Variants in ANKRD36 observed in about 807,000 individuals in gnomAD.
The protein encoded by ANKRD36 is ankyrin repeat domain 36, also known as ankyrin repeat domain-containing protein 36A.
Under a neutral mutation model 278.1 loss-of-function variants are expected in ANKRD36, and 179 were observed. The observed-to-expected ratio is 0.64, with a 90% confidence interval of 0.57 to 0.73. The LOEUF is 0.73. ANKRD36 is among the 30% of genes least tolerant of loss of function. The pLI, the probability that ANKRD36 is intolerant of heterozygous loss-of-function variation, is 0.00. For synonymous variants in ANKRD36, 320 were observed against 641.1 expected, an observed-to-expected ratio of 0.50 and a Z score of 7.57; for missense variants, 1,159 against 1,956.7, an observed-to-expected ratio of 0.59 and a Z score of 7.69.
chr2:97,150,631 G>A (rs1047504249), intron 12 of ANKRD36, among the ~76,000 whole-genome samples: 1 of 152,078 alleles, frequency 6.6e-6, no homozygotes, highest in Non-Finnish European at 1.5e-5. Context: ...GAGTTATGTT[G>A]AGAAAATATG....
chr2:97,207,823 A>C lies in ANKRD36; in HGVS notation c.3176A>C (p.Lys1059Thr). ...GEKSRTVSSE[K>T]PSGLKATSAE... The stretch of plus-strand genomic sequence containing the variant: ...TTTTACTTTTCAGTGTCTTCTGAGA[A>C]ACCATCAGGCTTGAAGGTAATGAAA... Residue 1059 changes from lysine (K) to threonine (T), a missense_variant, in exon 53 of 76, where the codon AAA (lysine) becomes ACA (threonine). Physicochemically the swap from Lys to Thr is moderately conservative, Grantham distance 78 (BLOSUM62 -1). Transcript: ENST00000420699. 6.5e-7 allele frequency: 1 copy of C among 1,546,806 alleles called. No individual in the cohort carries two copies. The highest frequency in any genetic ancestry group is 8.7e-7 in the Non-Finnish European group (1 of 1,144,632).
chr2:97,190,783 T>C (rs1209975251), intron 34 of ANKRD36, among the ~76,000 whole-genome samples, 195 bp from the exon 35 acceptor site: 2 of 151,748 alleles, frequency 1.3e-5, no homozygotes, highest in African/African-American at 4.8e-5. Context: ...TGTAAGGATA[T>C]ATTTCATGGA....
rs762416345 is a variant in ANKRD36 at position 97,144,668 on chromosome 2, C to T, written c.959C>T (p.Ser320Leu). The change falls in exon 10 of 76, where the codon TCG becomes TTG. Residue 320 changes from serine (S) to leucine (L), a missense_variant. Ser to Leu is a moderately radical substitution (Grantham distance 145). Transcript: ENST00000420699. ...ACAAGTGACAAGGATGATTCTGTTT[C>T]GAACACAGCCACAGAAATAAAAGAT... ...KDTSDKDDSV[S>L]NTATEIKDEQ... 102 of 1,543,396 alleles carry T rather than the reference C, an allele frequency of 6.6e-5. 1 individual carries two copies. In the Middle Eastern group the frequency reaches 1.8e-3, roughly 28 times the overall value.
At chr2:97,196,310 T>A (rs1329635339) in intron 40 of ANKRD36, among the ~76,000 whole-genome samples, 1 of 121,732 alleles carries the variant, frequency 8.2e-6, no homozygotes, top group East Asian at 2.2e-4. Context: ...TTTGTTCTCA[T>A]CACTCGGCCT....
At chr2:97,210,073 C>T (rs2063989164) in intron 56 of ANKRD36, among the ~76,000 whole-genome samples, 1 of 151,806 alleles carries the variant, frequency 6.6e-6, no homozygotes, top group African/African-American at 2.4e-5. Context: ...TATACCCTTC[C>T]CCACATTGAA....
In ANKRD36 at chr2:97,209,955, C is replaced by A. The variant is rs905555886; in HGVS notation, c.3367+83C>A. On this transcript the variant is annotated intron_variant, in intron 56 of 75. Coordinates refer to ENST00000420699, the MANE Select transcript of ANKRD36 (RefSeq NM_001354587.1). ...TCCCTGAATAAATCAGCGGAGGGCT[C>A]GTTGAAGCTGCACATTCTGATTCAG... 1.7e-5 allele frequency: 26 copies of A among 1,496,298 alleles called. No individual in the cohort carries two copies. In the Admixed American group the frequency reaches 5.5e-4, roughly 32 times the overall value. The allele number at this position is 1,496,298 out of a possible 1,614,324, so 92.7% of individuals were successfully genotyped here. A position where few individuals can be genotyped will look rare whatever the true frequency, so the allele number is the denominator to read the frequency against.
At chr2:97,203,414 G>A (rs1184628006) in intron 48 of ANKRD36, among the ~76,000 whole-genome samples, 2 of 151,802 alleles carry the variant, frequency 1.3e-5, no homozygotes, top group African/African-American at 2.4e-5. Flanking sequence ...TTCGTGCCAC[G>A]ACTGGATGAA....
intron 6 of ANKRD36, among the ~76,000 whole-genome samples, chr2:97,130,951 A>G (rs1478255987): frequency 1.3e-5 from 2 of 152,068 alleles, no homozygotes; most frequent in Non-Finnish European, 2.9e-5. Flanking sequence ...TGACAGTGTA[A>G]GTGATGCTGC....
intron 28 of ANKRD36, 126 bp downstream of exon 28, chr2:97,183,780 A>G: frequency 2.3e-6 from 3 of 1,314,294 alleles, no homozygotes; most frequent in Non-Finnish European, 3.1e-6. Flanking sequence ...GAGATTATGC[A>G]TTTCTAGTAA....
At chr2:97,143,270 A>G (rs1426581631) in intron 8 of ANKRD36, among the ~76,000 whole-genome samples, 1 of 151,960 alleles carries the variant, frequency 6.6e-6, no homozygotes, top group Non-Finnish European at 1.5e-5. Flanking sequence ...CTGATGTGGT[A>G]ATTATTTTAC....
chr2:97,127,481 A>G (rs2038923113), intron 6 of ANKRD36, among the ~76,000 whole-genome samples: 1 of 151,930 alleles, frequency 6.6e-6, no homozygotes, highest in African/African-American at 2.4e-5. Flanking sequence ...CTTCTATTTA[A>G]TTTGTAAAAT....
At chr2:97,186,080 A>G (rs2057364067) in intron 30 of ANKRD36, among the ~76,000 whole-genome samples, 1 of 151,840 alleles carries the variant, frequency 6.6e-6, no homozygotes, top group Non-Finnish European at 1.5e-5. Flanking sequence ...TATTTACACA[A>G]AAAAGATTTG....
At chr2:97,173,633 A>T (rs2053346392) in intron 22 of ANKRD36, among the ~76,000 whole-genome samples, 1 of 151,842 alleles carries the variant, frequency 6.6e-6, no homozygotes, top group African/African-American at 2.4e-5. Flanking sequence ...AAGTCCACCA[A>T]TATGGATGTT....
At position 97,118,390 on chromosome 2, in the gene ANKRD36, A is replaced by T; in HGVS notation, c.359A>T (p.Asn120Ile). 1.9e-6 allele frequency: 3 copies of T among 1,608,764 alleles called. No homozygotes were observed. The highest frequency in any genetic ancestry group is 2.5e-6 in the Non-Finnish European group (3 of 1,177,786). ...GCTTGTGCAACTCTTCTGCTGCAAA[A>T]TGGCGCCAATCCAAATATTACGGAT... Reference protein sequence around the residue: ...QEACATLLLQNGANPNITDFF... With the variant: ...QEACATLLLQIGANPNITDFF... Residue 120 changes from asparagine to isoleucine, a missense_variant, in exon 3 of 76, where the codon AAT becomes ATT. Physicochemically the swap from Asn to Ile is moderately radical, Grantham distance 149. Transcript: ENST00000420699.
intron 50 of ANKRD36, among the ~76,000 whole-genome samples, chr2:97,205,069 C>T (rs1166086000): frequency 3.3e-5 from 5 of 151,476 alleles, no homozygotes; most frequent in African/African-American, 1.2e-4. Context: ...TAGAAAATAA[C>T]ATGATATTGC....
At chr2:97,191,546 A>AG (rs1029742287) in intron 36 of ANKRD36, among the ~76,000 whole-genome samples, 7 of 151,846 alleles carry the variant, frequency 4.6e-5, no homozygotes, top group African/African-American at 1.7e-4. Context: ...ACTGCTAAAA[A>AG]CAGACAGAAA....
intron 5 of ANKRD36, 92 bp downstream of exon 5, chr2:97,124,689 A>T: frequency 1.4e-6 from 2 of 1,418,476 alleles, no homozygotes; most frequent in Non-Finnish European, 1.9e-6. Flanking sequence ...GAGATTTCAT[A>T]GTTTGGTTCA....
intron 6 of ANKRD36, among the ~76,000 whole-genome samples, chr2:97,127,988 A>G (rs2039062650): frequency 6.6e-6 from 1 of 152,012 alleles, no homozygotes; most frequent in African/African-American, 2.4e-5. Context: ...GTTAGTTAAT[A>G]TGATTTAGTG....
At chr2:97,178,249 C>T (rs1243826030) in intron 22 of ANKRD36, among the ~76,000 whole-genome samples, 1 of 151,766 alleles carries the variant, frequency 6.6e-6, no homozygotes, top group Non-Finnish European at 1.5e-5. Flanking sequence ...ACTAGTTCAA[C>T]CATTGTGGAA....
Sources: gnomAD v4.1 joint callset for allele counts (sites outside exome capture counted in the v4.1 genomes callset) on GRCh38, gnomAD v4.1.1 for gene constraint, MANE v1.5 for transcripts, NCBI Gene and HGNC (gene_info 2026-07-23, HGNC 2026-07-21) for gene names.